Variants in CFI observed in about 807,000 individuals in gnomAD.
CFI encodes complement factor I, also known as C3B/C4B inactivator.
A neutral mutation model predicts 78.8 loss-of-function variants in CFI; 66 were observed. That is an observed-to-expected ratio of 0.84 (90% CI 0.69 to 1.03). CFI has a LOEUF of 1.03. Ranked by LOEUF, CFI falls within the 50% of genes least tolerant of loss-of-function variation. The pLI is 0.00. For missense variants in CFI, 706 were observed against 704.5 expected, an observed-to-expected ratio of 1.00 and a Z score of -0.02; for synonymous variants, 250 against 232.6, an observed-to-expected ratio of 1.07 and a Z score of -0.68.
chr4:109,737,124 A>G (rs1334647949), downstream of CFI, among the ~76,000 whole-genome samples: 1 of 152,048 alleles, frequency 6.6e-6, no homozygotes, highest in Non-Finnish European at 1.5e-5. Context: ...TGTCTTAACC[A>G]TCTTCCATAC....
chr4:109,777,521 A>G (rs1292162914), intron 1 of CFI, among the ~76,000 whole-genome samples: 1 of 147,384 alleles, frequency 6.8e-6, no homozygotes, highest in African/African-American at 2.5e-5. Context: ...AGACTCCCAC[A>G]CAATAATAAT....
chr4:109,772,784 A>C (rs12506605), intron 1 of CFI, among the ~76,000 whole-genome samples: 1 of 151,918 alleles, frequency 6.6e-6, no homozygotes, highest in Non-Finnish European at 1.5e-5. Flanking sequence ...GGGCCTCACT[A>C]TGTTGCCCAG....
downstream of CFI, chr4:109,740,546 T>C (rs2126177354): frequency 6.3e-6 from 2 of 317,002 alleles, no homozygotes; most frequent in South Asian, 6.0e-5. Context: ...AAGAAGACAA[T>C]AAATTGTCCA....
At chr4:109,787,845 C>T (rs973101161) in intron 1 of CFI, among the ~76,000 whole-genome samples, 21 of 151,824 alleles carry the variant, frequency 1.4e-4, no homozygotes, top group Non-Finnish European at 2.5e-4. Context: ...TGTAAGATGG[C>T]TAAAATTTTG....
chr4:109,779,563 G>A (rs1376435195), intron 1 of CFI, among the ~76,000 whole-genome samples: 1 of 152,078 alleles, frequency 6.6e-6, no homozygotes, highest in Non-Finnish European at 1.5e-5. Context: ...ACTACCCAAG[G>A]TAATTTATAG....
chr4:109,756,972 A>C (rs574760766), intron 7 of CFI, among the ~76,000 whole-genome samples: 14 of 141,894 alleles, frequency 9.9e-5, no homozygotes, highest in African/African-American at 3.6e-4. Context: ...AAAGAAAGAA[A>C]GAAAGAAATT....
At chr4:109,764,401 A>G in intron 3 of CFI, 136 bp downstream of exon 3, 1 of 988,716 alleles carries the variant, frequency 1.0e-6, no homozygotes, top group South Asian at 1.3e-5. Context: ...TCATCCTCAT[A>G]ACAATGCTAT....
At chr4:109,780,757 T>A (rs1253014959) in intron 1 of CFI, among the ~76,000 whole-genome samples, 1 of 152,134 alleles carries the variant, frequency 6.6e-6, no homozygotes, top group Non-Finnish European at 1.5e-5. Context: ...CAACTGTCCA[T>A]CAATGATAGA....
At chr4:109,761,395 C>G in intron 4 of CFI, 122 bp downstream of exon 4, 1 of 1,013,910 alleles carries the variant, frequency 9.9e-7, no homozygotes, top group Non-Finnish European at 1.5e-6. Context: ...CAAAACTTGA[C>G]AGAATCTATA....
chr4:109,754,413 A>AAC (rs386401134), intron 7 of CFI, among the ~76,000 whole-genome samples: 1 of 398 alleles, frequency 2.5e-3, no homozygotes, highest in Non-Finnish European at 0.062. Flanking sequence ...TGCAGAAGTT[A>AAC]AAAAAAAAAA....
intron 11 of CFI, among the ~76,000 whole-genome samples, chr4:109,744,388 C>T (rs1266837409): frequency 6.6e-6 from 1 of 152,138 alleles, no homozygotes; most frequent in Non-Finnish European, 1.5e-5. Flanking sequence ...GAATGTGCCT[C>T]AGACCATTCT....
rs562675361 is a variant in CFI at position 109,750,006 on chromosome 4, T to C, written c.941-404A>G. Among the ~76,000 whole-genome samples, 9 of 150,786 alleles carry C rather than the reference T, an allele frequency of 6.0e-5. No homozygotes were observed. In the South Asian group the frequency reaches 1.9e-3, roughly 32 times the overall value. On this transcript the variant is annotated intron_variant, in intron 8 of 12. Transcript: ENST00000394634. ...TGTGTCTTTTCTTTTCTTTCTTTCT[T>C]TTTTTTTTGAGATGGAGTCTCAGTC...
At chr4:109,789,380 C>T (rs984579542) in intron 1 of CFI, among the ~76,000 whole-genome samples, 2 of 151,898 alleles carry the variant, frequency 1.3e-5, no homozygotes, top group Admixed American at 6.6e-5. Context: ...AACCATGTCA[C>T]ACTCAAATTA....
At chr4:109,782,114 C>T (rs1182826961) in intron 1 of CFI, among the ~76,000 whole-genome samples, 1 of 152,056 alleles carries the variant, frequency 6.6e-6, no homozygotes, top group Non-Finnish European at 1.5e-5. Context: ...CAAGGATGCC[C>T]ACTCTCACCA....
At chr4:109,772,391 C>T (rs116173463) in intron 1 of CFI, among the ~76,000 whole-genome samples, 2,375 of 152,282 alleles carry the variant, frequency 0.016, 75 homozygotes, top group African/African-American at 0.054. Flanking sequence ...TGTGAGTATG[C>T]CTCATATGTC....
chr4:109,773,441 G>C (rs141385645), intron 1 of CFI, among the ~76,000 whole-genome samples: 100 of 152,232 alleles, frequency 6.6e-4, no homozygotes, highest in African/African-American at 2.2e-3. Flanking sequence ...GCTTGAACCT[G>C]GGAGGCAGAG....
intron 1 of CFI, among the ~76,000 whole-genome samples, chr4:109,772,825 C>G (rs1415304137): frequency 6.6e-6 from 1 of 152,104 alleles, no homozygotes; most frequent in Non-Finnish European, 1.5e-5. Flanking sequence ...CTTAAACAAT[C>G]CTCCCATCTC....
At chr4:109,750,983 G>C (rs1476908884) in intron 8 of CFI, among the ~76,000 whole-genome samples, 2 of 152,196 alleles carry the variant, frequency 1.3e-5, no homozygotes, top group Non-Finnish European at 2.9e-5. Context: ...TCTGAAGCCT[G>C]TGTGCCCCTC....
At chr4:109,767,952 A>AT (rs1341664921) in intron 1 of CFI, among the ~76,000 whole-genome samples, 1 of 152,116 alleles carries the variant, frequency 6.6e-6, no homozygotes, top group African/African-American at 2.4e-5. Flanking sequence ...CTATGCAGCC[A>AT]TAAAAAATGA....
Sources: gnomAD v4.1 joint callset for allele counts (sites outside exome capture counted in the v4.1 genomes callset) on GRCh38, gnomAD v4.1.1 for gene constraint, MANE v1.5 for transcripts, NCBI Gene and HGNC (gene_info 2026-07-23, HGNC 2026-07-21) for gene names.